WDR70: variants seen among roughly 807,000 people sequenced by gnomAD.
The protein encoded by WDR70 is WD repeat domain 70.
A neutral mutation model predicts 88.6 loss-of-function variants in WDR70; 53 were observed. That is an observed-to-expected ratio of 0.60 (90% CI 0.48 to 0.75). The LOEUF is 0.75. WDR70 is among the 30% of genes least tolerant of loss of function. The pLI, the probability that WDR70 is intolerant of heterozygous loss-of-function variation, is 0.00. For synonymous variants in WDR70, 280 were observed against 270.0 expected (o/e 1.04, Z -0.36); for missense variants, 610 against 823.2 (o/e 0.74, Z 3.17).
intron 10 of WDR70, among the ~76,000 whole-genome samples, chr5:37,650,963 C>T (rs1397880322): frequency 1.9e-5 from 2 of 104,330 alleles, no homozygotes; most frequent in East Asian, 2.3e-4. Flanking sequence ...GAATGGGCTT[C>T]ATTTTTTTTT....
intron 17 of WDR70, among the ~76,000 whole-genome samples, chr5:37,733,407 A>T (rs764593166): frequency 6.6e-6 from 1 of 152,110 alleles, no homozygotes; most frequent in South Asian, 2.1e-4. Flanking sequence ...CCATTTTTCA[A>T]CCTACCATAG....
At chr5:37,486,564 C>T (rs1016331196) in intron 8 of WDR70, among the ~76,000 whole-genome samples, 3 of 151,830 alleles carry the variant, frequency 2.0e-5, no homozygotes, top group Non-Finnish European at 1.5e-5. Flanking sequence ...AGGCTGGTCT[C>T]GAACTCCTGA....
chr5:37,638,127 ATTC>A (rs1745020423), intron 10 of WDR70, among the ~76,000 whole-genome samples: 2 of 152,134 alleles, frequency 1.3e-5, no homozygotes, highest in Admixed American at 1.3e-4. Context: ...TCTACTTTCC[ATTC>A]TTTGCCTAAT....
intron 9 of WDR70, among the ~76,000 whole-genome samples, chr5:37,563,275 CG>C (rs1742588378): frequency 1.7e-5 from 1 of 58,708 alleles, no homozygotes; most frequent in Non-Finnish European, 3.9e-5. Flanking sequence ...CCTCACTTTC[CG>C]GATGGGGCGG....
At chr5:37,634,677 T>G in intron 10 of WDR70, among the ~76,000 whole-genome samples, 1 of 151,836 alleles carries the variant, frequency 6.6e-6, no homozygotes, top group Non-Finnish European at 1.5e-5. Context: ...GTATGTGGAG[T>G]GAGAATGGAG....
At chr5:37,402,564 A>G (rs768815868) in intron 5 of WDR70, among the ~76,000 whole-genome samples, 4 of 152,172 alleles carry the variant, frequency 2.6e-5, no homozygotes, top group Non-Finnish European at 4.4e-5. Flanking sequence ...ATAAATTCGT[A>G]AAATGTGTAC....
chr5:37,393,868 G>T (rs1183102148), intron 4 of WDR70, among the ~76,000 whole-genome samples: 1 of 151,994 alleles, frequency 6.6e-6, no homozygotes, highest in Non-Finnish European at 1.5e-5. Context: ...TTTTTGTAGA[G>T]ACAGGTGTTC....
chr5:37,747,783 A>T (rs2973054), intron 17 of WDR70, among the ~76,000 whole-genome samples: 109,730 of 152,132 alleles, frequency 0.72, 44,753 homozygotes, highest in East Asian at 0.93. Context: ...AAGCAACTTC[A>T]GCAAAGTCTC....
chr5:37,403,715 TAA>T (rs1455323986), intron 5 of WDR70, among the ~76,000 whole-genome samples: 3 of 152,196 alleles, frequency 2.0e-5, no homozygotes, highest in Admixed American at 2.0e-4. Flanking sequence ...TTAACTTTTT[TAA>T]AAAAATTAAT....
intron 5 of WDR70, among the ~76,000 whole-genome samples, chr5:37,402,950 T>TG (rs1749245875): frequency 7.2e-6 from 1 of 138,252 alleles, no homozygotes; most frequent in African/African-American, 2.7e-5. Context: ...CTCCGTTTTT[T>TG]TTTTTTTTTT....
intron 10 of WDR70, among the ~76,000 whole-genome samples, chr5:37,692,432 A>G (rs1003827878): frequency 1.3e-5 from 2 of 152,192 alleles, no homozygotes; most frequent in African/African-American, 4.8e-5. Flanking sequence ...TTTTAGACCA[A>G]TATTCCTGAT....
chr5:37,545,236 T>C (rs376092860), intron 9 of WDR70, among the ~76,000 whole-genome samples: 4 of 152,174 alleles, frequency 2.6e-5, no homozygotes, highest in African/African-American at 9.7e-5. Flanking sequence ...CCTCAGTCTT[T>C]CCTTCAGTTT....
chr5:37,731,409 G>C (rs943811072), intron 17 of WDR70, among the ~76,000 whole-genome samples: 7 of 152,138 alleles, frequency 4.6e-5, no homozygotes, highest in Admixed American at 6.5e-5. Flanking sequence ...TGGATAATAT[G>C]ATAACAACTA....
intron 10 of WDR70, among the ~76,000 whole-genome samples, chr5:37,676,283 T>C (rs1581485950): frequency 6.6e-6 from 1 of 151,012 alleles, no homozygotes; most frequent in South Asian, 2.1e-4. Context: ...TGAATAGGAG[T>C]GGTGAGAGAG....
rs138407034 is a variant in WDR70, at chr5:37,402,108, C to T, written c.492+5538C>T. ...CTTTTTCCTACCCTTTTCACCCTTT[C>T]GTTTCTGTTTCTACTATTCTCTCCA... On this transcript the variant is annotated intron_variant, in intron 5 of 17. Coordinates refer to ENST00000265107, the MANE Select transcript of WDR70 (RefSeq NM_018034.4). 1.7e-3 allele frequency among the ~76,000 whole-genome samples: 258 copies of T among 152,190 alleles called. 1 individual carries two copies. The highest frequency in any genetic ancestry group is 5.8e-3 in the African/African-American group (242 of 41,540).
chr5:37,547,006 C>T (rs1742020301), intron 9 of WDR70, among the ~76,000 whole-genome samples: 1 of 152,042 alleles, frequency 6.6e-6, no homozygotes. Context: ...TTACAGGTTT[C>T]CCTATATTAA....
chr5:37,664,852 T>C (rs902633743), intron 10 of WDR70, among the ~76,000 whole-genome samples: 1 of 152,256 alleles, frequency 6.6e-6, no homozygotes, highest in African/African-American at 2.4e-5. Flanking sequence ...AGATCAGCAT[T>C]ATACTTTTAA....
At chr5:37,393,287 G>A (rs566152280) in intron 4 of WDR70, among the ~76,000 whole-genome samples, 30 of 152,152 alleles carry the variant, frequency 2.0e-4, no homozygotes, top group Admixed American at 1.6e-3. Flanking sequence ...TGATCCACCC[G>A]CCTTGGCCTC....
intron 12 of WDR70, among the ~76,000 whole-genome samples, chr5:37,702,181 C>T (rs2112660236): frequency 6.6e-6 from 1 of 152,354 alleles, no homozygotes; most frequent in East Asian, 1.9e-4. Flanking sequence ...AACATGTCTG[C>T]TGCCCATGGC....
Sources: gnomAD v4.1 joint callset for allele counts (sites outside exome capture counted in the v4.1 genomes callset) on GRCh38, gnomAD v4.1.1 for gene constraint, MANE v1.5 for transcripts, NCBI Gene and HGNC (gene_info 2026-07-23, HGNC 2026-07-21) for gene names.